The following MRC1 variants were observed in gnomAD, a reference collection of about 807,000 sequenced individuals.
MRC1 encodes mannose receptor C-type 1.
In MRC1, 62 loss-of-function variants were observed where a neutral mutation model predicts 102.9. That is an observed-to-expected ratio of 0.60 (90% CI 0.49 to 0.74). MRC1 has a LOEUF of 0.74. Ranked by LOEUF, MRC1 falls within the 30% of genes least tolerant of loss-of-function variation. MRC1 has a pLI of 0.00. For synonymous variants in MRC1, 457 were observed against 298.4 expected (o/e 1.53, Z -5.48); for missense variants, 1,237 against 862.8 (o/e 1.43, Z -5.43).
At position 17,823,476 on chromosome 10, in the gene MRC1, G is replaced by T. The variant is rs1554838450; in HGVS notation, c.463+1G>T. 1 of 780,738 alleles carries T rather than the reference G, an allele frequency of 1.3e-6. No individual in the cohort carries two copies. Among genetic ancestry groups the T allele is most frequent in the East Asian group, 2.4e-5 (1 of 41,252 alleles). The allele number at this position is 780,738 out of a possible 1,614,324, so 48.4% of individuals were successfully genotyped here. A position where few individuals can be genotyped will look rare whatever the true frequency, so the allele number is the denominator to read the frequency against. Reference sequence around the variant, plus strand: ...AATCTGTGCTCCAGAGGTTATGAAGGTAAGATGCCTGGAATTTTCACCTTC... The same window carrying T: ...AATCTGTGCTCCAGAGGTTATGAAGTTAAGATGCCTGGAATTTTCACCTTC... On this transcript the variant is annotated splice_donor_variant, in intron 2 of 29. Transcript: ENST00000569591. LOFTEE classifies it high-confidence loss of function.
rs1013251750 is a variant in MRC1 at position 17,864,557 on chromosome 10, G to A, written c.1783+875G>A. 1.5e-4 allele frequency among the ~76,000 whole-genome samples: 23 copies of A among 152,010 alleles called. No individual in the cohort carries two copies. The East Asian group carries it at 3.5e-3, about 23-fold the overall frequency. Reference sequence around the variant, plus strand: ...TTTAAAAGAAGTGGAGGTCGGCCGCGGTGGCTCATGCCTGTAATCTCAACA... The same window carrying A: ...TTTAAAAGAAGTGGAGGTCGGCCGCAGTGGCTCATGCCTGTAATCTCAACA... On this transcript the variant is annotated intron_variant, in intron 11 of 29. Transcript: ENST00000569591.
At chr10:17,901,554 TG>T (rs1833829784) in intron 25 of MRC1, among the ~76,000 whole-genome samples, 1 of 152,008 alleles carries the variant, frequency 6.6e-6, no homozygotes, top group African/African-American at 2.4e-5. Context: ...CTGGGTCTGG[TG>T]GCAGGCACCT....
At chr10:17,901,593 G>A (rs1399042938) in intron 25 of MRC1, among the ~76,000 whole-genome samples, 1 of 152,028 alleles carries the variant, frequency 6.6e-6, no homozygotes, top group African/African-American at 2.4e-5. Context: ...GGAGGCTGAG[G>A]CAGGAGAATC....
intron 4 of MRC1, among the ~76,000 whole-genome samples, chr10:17,837,004 G>A (rs2985838): frequency 0.13 from 19,326 of 152,116 alleles, 1,772 homozygotes; most frequent in African/African-American, 0.27. Context: ...TACTTTGTGC[G>A]CTCTCCACCA....
intron 5 of MRC1, among the ~76,000 whole-genome samples, chr10:17,843,334 A>T (rs1311243357): frequency 1.3e-5 from 2 of 152,068 alleles, no homozygotes; most frequent in Non-Finnish European, 2.9e-5. Context: ...CTTTATGCTT[A>T]TTACTAACTT....
chr10:17,847,104 C>A (rs1463295019), intron 6 of MRC1, among the ~76,000 whole-genome samples: 1 of 152,130 alleles, frequency 6.6e-6, no homozygotes. Context: ...AGAGAAAGCT[C>A]ACCATTTTTG....
chr10:17,854,189 C>T (rs1022457561), intron 8 of MRC1, among the ~76,000 whole-genome samples: 21,991 of 152,158 alleles, frequency 0.14, 1,747 homozygotes, highest in African/African-American at 0.18. Flanking sequence ...TAAGCTCAAG[C>T]GATCTGCCTG....
chr10:17,842,782 G>A (rs1838770890), intron 5 of MRC1, among the ~76,000 whole-genome samples: 1 of 152,166 alleles, frequency 6.6e-6, no homozygotes, highest in South Asian at 2.1e-4. Context: ...TACGAGTTCA[G>A]GGAGAAAACT....
chr10:17,821,272 A>C (rs1838391408), intron 1 of MRC1, among the ~76,000 whole-genome samples: 1 of 152,212 alleles, frequency 6.6e-6, no homozygotes, highest in Non-Finnish European at 1.5e-5. Context: ...TTTAATGCGT[A>C]ACATCCAAAC....
intron 1 of MRC1, among the ~76,000 whole-genome samples, chr10:17,818,625 A>G (rs1017600838): frequency 0.02 from 3,004 of 152,308 alleles, 116 homozygotes; most frequent in African/African-American, 0.068. Flanking sequence ...CTTGGCCAAC[A>G]TGGTGAAACC....
At chr10:17,867,261 TC>T (rs1277373255) in intron 12 of MRC1, among the ~76,000 whole-genome samples, 1 of 141,398 alleles carries the variant, frequency 7.1e-6, no homozygotes, top group African/African-American at 2.6e-5. Context: ...CCTTTCCCCT[TC>T]CTCCTCCTCC....
intron 6 of MRC1, among the ~76,000 whole-genome samples, chr10:17,846,157 C>T (rs1471891790): frequency 6.6e-6 from 1 of 152,218 alleles, no homozygotes. Context: ...ATCTACCCAC[C>T]TCAGCCTCCC....
intron 28 of MRC1, among the ~76,000 whole-genome samples, chr10:17,909,054 G>A (rs1018567737): frequency 2.6e-5 from 4 of 152,052 alleles, no homozygotes; most frequent in South Asian, 2.1e-4. Flanking sequence ...GTACTCAAAC[G>A]CACCATACAA....
At chr10:17,822,971 G>A (rs927453857) in intron 1 of MRC1, 103 bp from the exon 2 acceptor site, 1 of 722,064 alleles carries the variant, frequency 1.4e-6, no homozygotes, top group Non-Finnish European at 2.6e-6. Context: ...TAGGGAAATG[G>A]AAGAGTTGGA....
intron 21 of MRC1, among the ~76,000 whole-genome samples, chr10:17,882,933 A>G (rs918246301): frequency 2.0e-5 from 3 of 152,224 alleles, no homozygotes; most frequent in African/African-American, 7.2e-5. Context: ...GCAGAAGGAA[A>G]CAATTTGCAG....
At chr10:17,842,583 G>A (rs1838768206) in intron 5 of MRC1, among the ~76,000 whole-genome samples, 1 of 152,146 alleles carries the variant, frequency 6.6e-6, no homozygotes, top group Non-Finnish European at 1.5e-5. Flanking sequence ...GAAAATTTAG[G>A]TGTCTGTCTA....
intron 8 of MRC1, 78 bp downstream of exon 8, chr10:17,853,202 G>A: frequency 1.3e-6 from 1 of 768,076 alleles, no homozygotes; most frequent in Non-Finnish European, 2.4e-6. Flanking sequence ...AGTTACATAT[G>A]TTTGTTTAGA....
At chr10:17,906,808 A>T in intron 26 of MRC1, 78 bp from the exon 27 acceptor site, 1 of 780,080 alleles carries the variant, frequency 1.3e-6, no homozygotes, top group African/African-American at 1.7e-5. Context: ...TGTTGCTCTC[A>T]ATAGCAGTGC....
At chr10:17,841,258 G>C (rs1213472661) in intron 5 of MRC1, among the ~76,000 whole-genome samples, 1 of 152,158 alleles carries the variant, frequency 6.6e-6, no homozygotes, top group Non-Finnish European at 1.5e-5. Flanking sequence ...AAATTATTTT[G>C]GGTTGGAGAG....
Sources: allele counts gnomAD v4.1 joint callset (sites outside exome capture counted in the v4.1 genomes callset), GRCh38; gene constraint gnomAD v4.1.1; transcripts MANE v1.5; gene names NCBI Gene and HGNC (gene_info 2026-07-23, HGNC 2026-07-21).